The following TXLNG variants were observed in gnomAD, a reference collection of about 807,000 sequenced individuals.
TXLNG encodes gamma-taxilin.
Under a neutral mutation model 38.8 loss-of-function variants are expected in TXLNG, and 5 were observed. The ratio of observed to expected loss-of-function variants is 0.13; its 90% CI spans 0.07 to 0.27. The LOEUF (loss-of-function observed/expected upper bound fraction) is 0.27, where lower values mean the gene tolerates loss of function less well. TXLNG is among the 10% of genes least tolerant of loss of function. The probability of loss-of-function intolerance (pLI) is 1.00; values close to 1 mark genes in which losing one functional copy is unlikely to be tolerated. For synonymous variants in TXLNG, 182 were observed against 158.2 expected, an observed-to-expected ratio of 1.15 and a Z score of -1.13; for missense variants, 393 against 398.2, an observed-to-expected ratio of 0.99 and a Z score of 0.11.
chrX:16,834,433 C>G (rs1238044869), intron 7 of TXLNG, 76 bp downstream of exon 7: 1 of 928,183 alleles, frequency 1.1e-6, no homozygotes, highest in African/African-American at 2.0e-5. Context: ...TCTTCAATCT[C>G]CTCTAAGATG....
intron 6 of TXLNG, among the ~76,000 whole-genome samples, chrX:16,833,478 C>T (rs1303200836): frequency 1.8e-5 from 2 of 111,990 alleles, no homozygotes; most frequent in Admixed American, 9.5e-5. Context: ...GAGTGGCCCT[C>T]GTCATGCGGG....
intron 4 of TXLNG, 59 bp from the exon 5 acceptor site, chrX:16,829,517 C>T: frequency 9.1e-7 from 1 of 1,097,139 alleles, no homozygotes; most frequent in South Asian, 2.2e-5. Context: ...AGCAGCTTCT[C>T]TTGTGAGCAT....
intron 1 of TXLNG, among the ~76,000 whole-genome samples, chrX:16,811,362 A>T (rs964979736): frequency 2.8e-5 from 3 of 107,606 alleles, no homozygotes; most frequent in African/African-American, 1.0e-4. Flanking sequence ...GGCCTTCCTT[A>T]TTTTTTTTTT....
rs1929242475 is a variant in TXLNG at position 16,828,263 on chromosome X, A to C, written c.668A>C (p.Lys223Thr). The C allele has an allele frequency of 2.5e-6, 3 of 1,188,521 alleles. No homozygotes were observed. Among genetic ancestry groups the C allele is most frequent in the Non-Finnish European group, 3.4e-6 (3 of 882,700 alleles). ...RELQRHNKTL[K>T]EENMQQAREE... ...CTTCAGCGTCACAATAAGACGTTAA[A>C]GGTTAGTTGCTTCATTTGTCTGTTT... The change falls in exon 4 of 10, where the codon AAG becomes ACG. Residue 223 changes from lysine (K) to threonine (T), a missense_variant and splice_region_variant. Physicochemically the swap from Lys to Thr is moderately conservative, Grantham distance 78 (BLOSUM62 -1). Coordinates refer to ENST00000380122, the MANE Select transcript of TXLNG (RefSeq NM_018360.3).
At chrX:16,822,200 G>T (rs1437027611) in intron 3 of TXLNG, among the ~76,000 whole-genome samples, 2 of 107,916 alleles carry the variant, frequency 1.9e-5, no homozygotes, top group Non-Finnish European at 3.8e-5. Flanking sequence ...AATTAGCCGG[G>T]TGTGGTGGCG....
Position 16,786,558 on chromosome X carries a change from G to A in TXLNG, c.71G>A (p.Arg24Gln). The A allele has an allele frequency of 9.3e-7, 1 of 1,080,486 alleles. No individual in the cohort carries two copies. The highest frequency in any genetic ancestry group is 1.2e-6 in the Non-Finnish European group (1 of 836,223). The allele number at this position is 1,080,486 out of a possible 1,213,427, so 89.0% of individuals were successfully genotyped here. Residue 24 changes from arginine to glutamine, a missense_variant, in exon 1 of 10, where the codon CGG becomes CAG. Transcript: ENST00000380122. The part of the protein sequence containing the change: ...GGAEEATEAG[R>Q]GGRRRSPRQK... ...GCCGAAGAGGCGACTGAGGCCGGAC[G>A]GGGCGGACGGCGACGCAGCCCGCGG...
chrX:16,837,542 C>T (rs1034942656), intron 7 of TXLNG, 51 bp from the exon 8 acceptor site: 2 of 957,627 alleles, frequency 2.1e-6, no homozygotes, highest in African/African-American at 3.9e-5. Flanking sequence ...AGTTTGGGAA[C>T]TGGAATTGTT....
At chrX:16,828,937 T>C (rs1304002120) in intron 4 of TXLNG, among the ~76,000 whole-genome samples, 2 of 111,371 alleles carry the variant, frequency 1.8e-5, no homozygotes. Flanking sequence ...AGACTATAAG[T>C]GCACTCTTGA....
chrX:16,787,492 C>G (rs900048440), intron 1 of TXLNG, among the ~76,000 whole-genome samples: 2 of 111,584 alleles, frequency 1.8e-5, no homozygotes, highest in African/African-American at 6.5e-5. Context: ...GGACTGTTCC[C>G]CTTGCCTTAC....
At chrX:16,840,380 T>C (rs1324546326) in intron 9 of TXLNG, 48 of 712,723 alleles carry the variant, frequency 6.7e-5, no homozygotes, top group Non-Finnish European at 7.8e-5. Context: ...CCTTTCTAGC[T>C]TGACTTATTA....
rs754224589 is a variant in TXLNG, at chrX:16,829,747, G to A, written c.841G>A (p.Glu281Lys). 57 of 1,210,064 alleles carry A rather than the reference G, an allele frequency of 4.7e-5. No individual in the cohort carries two copies. The highest frequency in any genetic ancestry group is 6.3e-5 in the Non-Finnish European group (56 of 895,273). The change falls in exon 5 of 10, where the codon GAA (glutamate) becomes AAA (lysine). Residue 281 changes from glutamate (E) to lysine (K), a missense_variant. Transcript: ENST00000380122. ...ELGEKLKKLI[E>K]QYALREEHID... Reference sequence around the variant, plus strand: ...GGGGGAGAAGCTAAAGAAGCTCATCGAACAGTACGCACTGAGGGAAGAGGT... The same window carrying A: ...GGGGGAGAAGCTAAAGAAGCTCATCAAACAGTACGCACTGAGGGAAGAGGT...
rs1434577666 is a variant in TXLNG, at chrX:16,828,969, G to A, written c.670-607G>A. Reference sequence around the variant, plus strand: ...TTGAAATGGATCTTCACCTGGTATGGGAGCCATTATTACCTTCTTTGCTTT... The same window carrying A: ...TTGAAATGGATCTTCACCTGGTATGAGAGCCATTATTACCTTCTTTGCTTT... On this transcript the variant is annotated intron_variant, in intron 4 of 9. Coordinates refer to ENST00000380122, the MANE Select transcript of TXLNG (RefSeq NM_018360.3). Among the ~76,000 whole-genome samples, 3 of 111,280 alleles carry A rather than the reference G, an allele frequency of 2.7e-5. No homozygotes were observed. In the East Asian group the frequency reaches 8.4e-4, roughly 31 times the overall value.
chrX:16,818,172 G>GT (rs1432756702), intron 1 of TXLNG, among the ~76,000 whole-genome samples: 3 of 110,993 alleles, frequency 2.7e-5, no homozygotes, highest in Non-Finnish European at 5.7e-5. Flanking sequence ...GGAGCATGGG[G>GT]TTTTGATGGA....
In TXLNG at chrX:16,844,453, C is replaced by T. The variant is rs1277123217; in HGVS notation, c.*2687C>T. ...AAAGACATTTTGTAGAGATTTTTCA[C>T]TAATGTGAATCTGATTTTATCTACT... On this transcript the variant is annotated 3_prime_UTR_variant, in exon 10 of 10. Transcript: ENST00000380122. The T allele has an allele frequency of 1.8e-5, 2 of 111,766 alleles. No individual in the cohort carries two copies. The highest frequency in any genetic ancestry group is 6.5e-5 in the African/African-American group (2 of 30,676). 9.2% of individuals were successfully genotyped at this position (111,766 alleles called of 1,213,427 possible).
chrX:16,818,474 A>G (rs957934834), intron 1 of TXLNG, 100 bp from the exon 2 acceptor site: 7 of 1,007,766 alleles, frequency 6.9e-6, no homozygotes, highest in South Asian at 2.4e-5. Context: ...CCACTAAGGA[A>G]GAAAAAACTA....
chrX:16,795,538 C>T (rs193284259), intron 1 of TXLNG, among the ~76,000 whole-genome samples: 1 of 111,935 alleles, frequency 8.9e-6, no homozygotes, highest in East Asian at 2.8e-4. Flanking sequence ...ATCAGGTTCC[C>T]TCATCCCTTA....
intron 1 of TXLNG, among the ~76,000 whole-genome samples, chrX:16,812,562 G>A (rs1157857438): frequency 2.9e-5 from 3 of 105,068 alleles, no homozygotes; most frequent in African/African-American, 1.0e-4. Flanking sequence ...CCCGGCTAAT[G>A]TTTGTATTTT....
rs1930008295 is a variant in TXLNG at position 16,844,360 on chromosome X, TTTA to T, written c.*2597_*2599del. The T allele has an allele frequency of 1.8e-5, 2 of 112,647 alleles. No individual in the cohort carries two copies. The highest frequency in any genetic ancestry group is 1.9e-4 in the Admixed American group (2 of 10,612). The allele number at this position is 112,647 out of a possible 1,213,427, so 9.3% of individuals were successfully genotyped here. ...TTCTAGTTTGTGCTAAACACACTGC[TTTA>T]TTTTTACAGCCCACGTCTTTCATGA... On this transcript the variant is annotated 3_prime_UTR_variant, in exon 10 of 10. Coordinates refer to ENST00000380122, the MANE Select transcript of TXLNG (RefSeq NM_018360.3).
intron 1 of TXLNG, among the ~76,000 whole-genome samples, chrX:16,799,159 A>G (rs1036156419): frequency 9.0e-6 from 1 of 111,394 alleles, no homozygotes; most frequent in Non-Finnish European, 1.9e-5. Flanking sequence ...GATTATAGGC[A>G]TGAGCCACCA....
Sources: allele counts gnomAD v4.1 joint callset (sites outside exome capture counted in the v4.1 genomes callset), GRCh38; gene constraint gnomAD v4.1.1; transcripts MANE v1.5; gene names NCBI Gene and HGNC (gene_info 2026-07-23, HGNC 2026-07-21).